The following CHD6 variants were observed in gnomAD, a reference collection of about 807,000 sequenced individuals.
CHD6 encodes ATP-dependent chromatin remodeler CHD6.
In CHD6, 50 loss-of-function variants were observed where a neutral mutation model predicts 276.9. That is an observed-to-expected ratio of 0.18 (90% CI 0.14 to 0.23). The LOEUF is 0.23. Among genes scored for constraint, CHD6 ranks in the 10% least tolerant of loss-of-function variants. CHD6 has a pLI of 1.00. For missense variants in CHD6, 2,564 were observed against 3,365.8 expected, an observed-to-expected ratio of 0.76 and a Z score of 5.89; for synonymous variants, 1,173 against 1,229.3, an observed-to-expected ratio of 0.95 and a Z score of 0.96.
intron 2 of CHD6, among the ~76,000 whole-genome samples, chr20:41,538,786 C>T (rs1489254437): frequency 6.6e-6 from 1 of 152,184 alleles, no homozygotes. Flanking sequence ...TATGTTGCCT[C>T]AACATCCATT....
chr20:41,556,307 C>CGGGAGG lies in CHD6; in HGVS notation c.-23-4948_-23-4947insCCTCCC, dbSNP rs1555806885. On this transcript the variant is annotated intron_variant, in intron 1 of 36. Transcript: ENST00000373233. Reference sequence around the variant, plus strand: ...GAGGGAGAGGGAGACCGTGGGGAGACGGGAGAGGGAGAGGGCACCTTTTTT... The same window carrying CGGGAGG: ...GAGGGAGAGGGAGACCGTGGGGAGACGGGAGGGGGAGAGGGAGAGGGCACCTTTTTT... 2.8e-5 allele frequency among the ~76,000 whole-genome samples: 3 copies of CGGGAGG among 108,904 alleles called. 1 individual carries two copies. Among genetic ancestry groups the CGGGAGG allele is most frequent in the East Asian group, 6.7e-4 (2 of 2,982 alleles). The allele number at this position is 108,904 out of a possible 152,430, so 71.4% of individuals were successfully genotyped here. A position where few individuals can be genotyped will look rare whatever the true frequency, so the allele number is the denominator to read the frequency against.
chr20:41,522,020 G>A (rs2044411538), intron 3 of CHD6, among the ~76,000 whole-genome samples: 1 of 152,142 alleles, frequency 6.6e-6, no homozygotes, highest in South Asian at 2.1e-4. Flanking sequence ...AATACAAATG[G>A]TAACTGTAAA....
At chr20:41,432,589 G>GCC (rs34609245) in intron 27 of CHD6, among the ~76,000 whole-genome samples, 1 of 151,356 alleles carries the variant, frequency 6.6e-6, no homozygotes, top group Non-Finnish European at 1.5e-5. Flanking sequence ...GAAACAAGGT[G>GCC]CCCCCCCCGA....
At chr20:41,549,206 T>C (rs1443376763) in intron 2 of CHD6, among the ~76,000 whole-genome samples, 9 of 151,984 alleles carry the variant, frequency 5.9e-5, no homozygotes, top group East Asian at 3.9e-4. Context: ...ATGTTTATTG[T>C]GGCACTATTC....
intron 2 of CHD6, among the ~76,000 whole-genome samples, chr20:41,550,270 A>T (rs1320094070): frequency 6.6e-6 from 1 of 152,216 alleles, no homozygotes; most frequent in Non-Finnish European, 1.5e-5. Flanking sequence ...GAGTATATCC[A>T]CAGGATAAGT....
At chr20:41,459,840 T>C (rs1600912418) in intron 17 of CHD6, among the ~76,000 whole-genome samples, 1 of 152,228 alleles carries the variant, frequency 6.6e-6, no homozygotes, top group Non-Finnish European at 1.5e-5. Flanking sequence ...GCTGAAAAGA[T>C]ACCCGAAAAC....
chr20:41,443,787 A>G (rs1317233677), intron 25 of CHD6, among the ~76,000 whole-genome samples: 4 of 152,104 alleles, frequency 2.6e-5, no homozygotes, highest in African/African-American at 9.7e-5. Context: ...TTCTGTGGGT[A>G]TTAAAAACCC....
At chr20:41,579,811 T>A (rs1398460406) in intron 1 of CHD6, among the ~76,000 whole-genome samples, 3 of 152,224 alleles carry the variant, frequency 2.0e-5, no homozygotes, top group Non-Finnish European at 4.4e-5. Context: ...ATATATATAT[T>A]TCTAAGAGTT....
At chr20:41,551,454 A>C (rs2045144847) in intron 1 of CHD6, 94 bp from the exon 2 acceptor site, 1 of 619,410 alleles carries the variant, frequency 1.6e-6, no homozygotes, top group Admixed American at 2.7e-5. Context: ...CAAGGAAAAC[A>C]AACAGGGGAT....
chr20:41,416,616 C>A lies in CHD6; in HGVS notation c.6458G>T (p.Gly2153Val). The change falls in exon 33 of 37, where the codon GGC becomes GTC. Residue 2153 changes from glycine (G) to valine (V), a missense_variant. Coordinates refer to ENST00000373233, the MANE Select transcript of CHD6 (RefSeq NM_032221.5). ...PEAAEHSFSNGAALAAQIHKE... is the reference protein window; with the variant it reads ...PEAAEHSFSNVAALAAQIHKE... ...GTGGATCTGGGCCGCCAATGCTGCG[C>A]CGTTGCTGAAGCTGTGTTCTGCTGC... 1 of 1,613,198 alleles carries A rather than the reference C, an allele frequency of 6.2e-7. No individual in the cohort carries two copies. Among genetic ancestry groups the A allele is most frequent in the African/African-American group, 1.3e-5 (1 of 75,026 alleles).
intron 8 of CHD6, among the ~76,000 whole-genome samples, chr20:41,495,976 G>A (rs1054919167): frequency 3.9e-5 from 6 of 152,156 alleles, no homozygotes; most frequent in Non-Finnish European, 5.9e-5. Flanking sequence ...TGTGCAGTCC[G>A]CTCTCCACCT....
At chr20:41,418,238 A>T (rs183286915) in intron 31 of CHD6, among the ~76,000 whole-genome samples, 1 of 152,260 alleles carries the variant, frequency 6.6e-6, no homozygotes, top group Non-Finnish European at 1.5e-5. Flanking sequence ...GCCAGGAAAG[A>T]GGTGACAATA....
chr20:41,529,830 A>T (rs1297790885), intron 3 of CHD6, among the ~76,000 whole-genome samples: 2 of 152,166 alleles, frequency 1.3e-5, no homozygotes, highest in Non-Finnish European at 2.9e-5. Context: ...CAACAGGAGC[A>T]ATCAGGGGGC....
Position 41,551,286 on chromosome 20 carries a change from A to G in CHD6, c.33+19T>C. 6.8e-7 allele frequency: 1 copy of G among 1,462,760 alleles called. No homozygotes were observed. Among genetic ancestry groups the G allele is most frequent in the Non-Finnish European group, 9.5e-7 (1 of 1,051,928 alleles). The allele number at this position is 1,462,760 out of a possible 1,614,324, so 90.6% of individuals were successfully genotyped here. A position where few individuals can be genotyped will look rare whatever the true frequency, so the allele number is the denominator to read the frequency against. ...AAGATACCCGGATGCATTCACTTAA[A>G]AGAAAAGTGATCACTTACCTGCTTC... On this transcript the variant is annotated intron_variant, in intron 2 of 36. Transcript: ENST00000373233.
chr20:41,610,695 T>C (rs1420629018), intron 1 of CHD6, among the ~76,000 whole-genome samples: 1 of 151,966 alleles, frequency 6.6e-6, no homozygotes, highest in Non-Finnish European at 1.5e-5. Context: ...GAGGCGGAGC[T>C]TGCAGTGAGC....
chr20:41,535,804 T>C (rs905815306), intron 2 of CHD6, among the ~76,000 whole-genome samples: 1 of 152,064 alleles, frequency 6.6e-6, no homozygotes, highest in Non-Finnish European at 1.5e-5. Context: ...AGTTTGAAGT[T>C]ACAACGGGCT....
At chr20:41,478,132 G>C (rs2043207277) in intron 16 of CHD6, among the ~76,000 whole-genome samples, 1 of 152,140 alleles carries the variant, frequency 6.6e-6, no homozygotes, top group Non-Finnish European at 1.5e-5. Context: ...AAATGGTCCA[G>C]CCAGATGCAC....
chr20:41,498,722 G>A (rs996234686), intron 6 of CHD6, among the ~76,000 whole-genome samples: 1 of 152,030 alleles, frequency 6.6e-6, no homozygotes, highest in Non-Finnish European at 1.5e-5. Flanking sequence ...ATGGCCCTGA[G>A]ATGTCTGAAG....
intron 23 of CHD6, 92 bp downstream of exon 23, chr20:41,450,854 A>G: frequency 8.6e-7 from 1 of 1,164,636 alleles, no homozygotes. Flanking sequence ...GAAGTAGCAC[A>G]AGAGCATGAA....
Sources: gnomAD v4.1 joint callset for allele counts (sites outside exome capture counted in the v4.1 genomes callset) on GRCh38, gnomAD v4.1.1 for gene constraint, MANE v1.5 for transcripts, NCBI Gene and HGNC (gene_info 2026-07-23, HGNC 2026-07-21) for gene names.